The following ELL variants were observed in gnomAD, a reference collection of about 807,000 sequenced individuals.
ELL encodes elongation factor for RNA polymerase II.
Under a neutral mutation model 64.0 loss-of-function variants are expected in ELL, and 18 were observed. That is an observed-to-expected ratio of 0.28 (90% confidence interval 0.19 to 0.42). The LOEUF (loss-of-function observed/expected upper bound fraction) is 0.42. Among genes scored for constraint, ELL ranks in the 10% least tolerant of loss-of-function variants. The pLI, the probability that ELL is intolerant of heterozygous loss-of-function variation, is 1.00. For synonymous variants in ELL, 399 were observed against 376.2 expected, an observed-to-expected ratio of 1.06 and a Z score of -0.70; for missense variants, 797 against 870.4, an observed-to-expected ratio of 0.92 and a Z score of 1.06.
chr19:18,472,690 T>TG, intron 2 of ELL, 145 bp downstream of exon 2: 1 of 993,962 alleles, frequency 1.0e-6, no homozygotes, highest in Middle Eastern at 2.2e-4. Flanking sequence ...GGGGCTATCC[T>TG]GGGGGCCTAG....
At position 18,458,234 on chromosome 19, in the gene ELL, G is replaced by A. The variant is rs1974723289; in HGVS notation, c.840C>T (p.Asp280=). 6.2e-7 allele frequency: 1 copy of A among 1,611,772 alleles called. No homozygotes were observed. Among genetic ancestry groups the A allele is most frequent in the African/African-American group, 1.3e-5 (1 of 74,924 alleles). The change falls in exon 6 of 12, where the codon GAC becomes GAT. Residue 280 remains aspartate (D), a synonymous_variant. Transcript: ENST00000262809. The stretch of plus-strand genomic sequence containing the variant: ...CGAGCACCCGCTTCAGCAGCTGCTG[G>A]TCCCCCTCCGAGTAGCCAGGCCAGT... ...QKDWPGYSEG[D]QQLLKRVLVR...
At chr19:18,493,791 A>G (rs987149228) in intron 1 of ELL, among the ~76,000 whole-genome samples, 1 of 152,084 alleles carries the variant, frequency 6.6e-6, no homozygotes, top group Admixed American at 6.5e-5. Context: ...TCCCTTTCTC[A>G]TGGCCCGGGA....
chr19:18,519,893 G>A (rs1600515972), intron 1 of ELL, among the ~76,000 whole-genome samples: 1 of 151,640 alleles, frequency 6.6e-6, no homozygotes, highest in Non-Finnish European at 1.5e-5. Flanking sequence ...AAAAATCCAA[G>A]TTTGAATCAC....
In ELL at chr19:18,449,886, G is replaced by C. The variant is rs1392509790; in HGVS notation, c.1465+591C>G. On this transcript the variant is annotated intron_variant, in intron 8 of 11. Transcript: ENST00000262809. The surrounding 1 kb of genome is among the most constrained non-coding windows in gnomAD (Gnocchi z 4.4). ...TGCTCAGTTTAGGTGCCTGGGCTGTGGTCTCGGAGCCGCCCAGGTCTCCTG... is the reference window on the plus strand; with the variant it reads ...TGCTCAGTTTAGGTGCCTGGGCTGTCGTCTCGGAGCCGCCCAGGTCTCCTG... 6.6e-6 allele frequency among the ~76,000 whole-genome samples: 1 copy of C among 152,210 alleles called. No individual in the cohort carries two copies. The highest frequency in any genetic ancestry group is 1.5e-5 in the Non-Finnish European group (1 of 68,030).
At chr19:18,470,080 G>T (rs1975032597) in intron 2 of ELL, among the ~76,000 whole-genome samples, 1 of 152,266 alleles carries the variant, frequency 6.6e-6, no homozygotes, top group Non-Finnish European at 1.5e-5. Flanking sequence ...ACTTTGGGAG[G>T]CTGAGGTGGG....
At chr19:18,462,346 T>TGTGGGC (rs1274112657) in intron 4 of ELL, among the ~76,000 whole-genome samples, 1 of 75,942 alleles carries the variant, frequency 1.3e-5, no homozygotes. Context: ...TGTGTGTGTG[T>TGTGGGC]GTGTGTGTGT....
intron 1 of ELL, among the ~76,000 whole-genome samples, chr19:18,485,505 T>C (rs1032305554): frequency 1.3e-5 from 2 of 152,090 alleles, no homozygotes; most frequent in Non-Finnish European, 2.9e-5. Context: ...CACTCCACTA[T>C]GGGAGCCCAT....
intron 2 of ELL, among the ~76,000 whole-genome samples, chr19:18,472,189 G>A (rs1975077554): frequency 6.6e-6 from 1 of 152,054 alleles, no homozygotes; most frequent in Non-Finnish European, 1.5e-5. Context: ...TCAAACTCCA[G>A]ATCTCTCAGG....
chr19:18,488,877 T>A (rs960369442), intron 1 of ELL, among the ~76,000 whole-genome samples: 2 of 152,180 alleles, frequency 1.3e-5, no homozygotes, highest in African/African-American at 4.8e-5. Context: ...AGAATGTGTC[T>A]TTTCTCCTTC....
At chr19:18,471,659 G>A (rs543787497) in intron 2 of ELL, among the ~76,000 whole-genome samples, 1 of 152,324 alleles carries the variant, frequency 6.6e-6, no homozygotes, top group East Asian at 1.9e-4. Flanking sequence ...AGGGGAACCT[G>A]CAATAAAGGC....
At chr19:18,515,043 C>CGTG (rs1272075089) in intron 1 of ELL, among the ~76,000 whole-genome samples, 2 of 152,216 alleles carry the variant, frequency 1.3e-5, no homozygotes, top group African/African-American at 4.8e-5. Flanking sequence ...CGGCCTTGGC[C>CGTG]GTGAGTCAAC....
chr19:18,487,131 G>GAGACCCCCTGAGAA (rs1197709220), intron 1 of ELL, among the ~76,000 whole-genome samples: 1 of 152,098 alleles, frequency 6.6e-6, no homozygotes, highest in African/African-American at 2.4e-5. Context: ...CCCCCACCAG[G>GAGACCCCCTGAGAA]AGACCCCCTG....
chr19:18,451,325 C>A (rs770981364), intron 7 of ELL, among the ~76,000 whole-genome samples: 2 of 152,220 alleles, frequency 1.3e-5, no homozygotes, highest in African/African-American at 2.4e-5. Context: ...CGCCCCCCGT[C>A]CCAGGTTCCG....
rs1037749256 is a variant in ELL, at chr19:18,501,580, C to T, written c.135+20341G>A. 1.3e-5 allele frequency among the ~76,000 whole-genome samples: 2 copies of T among 152,162 alleles called. No individual in the cohort carries two copies. The highest frequency in any genetic ancestry group is 6.5e-5 in the Admixed American group (1 of 15,278). On this transcript the variant is annotated intron_variant, in intron 1 of 11. Transcript: ENST00000262809. The surrounding 1 kb of genome is among the most constrained non-coding windows in gnomAD (Gnocchi z 4.5). ...CCAGCTCAGAGCCAGGCGGATGAGACGGGGGCCAAGCCAGGGGCCGGCTAC... is the reference window on the plus strand; with the variant it reads ...CCAGCTCAGAGCCAGGCGGATGAGATGGGGGCCAAGCCAGGGGCCGGCTAC...
At chr19:18,451,740 T>G (rs1974543262) in intron 6 of ELL, 92 bp from the exon 7 acceptor site, 12 of 1,016,198 alleles carry the variant, frequency 1.2e-5, no homozygotes, top group Non-Finnish European at 1.2e-5. Flanking sequence ...TGGAGATGCC[T>G]CAAGGAAGGG....
intron 8 of ELL, among the ~76,000 whole-genome samples, chr19:18,450,176 A>G (rs1472353637): frequency 6.6e-6 from 1 of 152,144 alleles, no homozygotes; most frequent in African/African-American, 2.4e-5. Context: ...TCCTCTCTGC[A>G]TGTTAGCCCC....
intron 1 of ELL, among the ~76,000 whole-genome samples, chr19:18,495,072 G>GGCCCT (rs1975618744): frequency 6.6e-6 from 1 of 152,318 alleles, no homozygotes; most frequent in South Asian, 2.1e-4. Flanking sequence ...AGACAGATGT[G>GGCCCT]GCCCTGCCCA....
intron 6 of ELL, among the ~76,000 whole-genome samples, chr19:18,456,427 A>G (rs1409641559): frequency 2.0e-5 from 3 of 152,234 alleles, no homozygotes; most frequent in Admixed American, 6.5e-5. Context: ...TCGTCTGGGC[A>G]TGAAGATGTG....
chr19:18,475,492 C>T (rs181950672), intron 1 of ELL, among the ~76,000 whole-genome samples: 47 of 152,156 alleles, frequency 3.1e-4, no homozygotes, highest in East Asian at 2.1e-3. Flanking sequence ...AATTCCACCC[C>T]GGGTATACAC....
Sources: allele counts gnomAD v4.1 joint callset (sites outside exome capture counted in the v4.1 genomes callset), GRCh38; gene constraint gnomAD v4.1.1; non-coding constraint Gnocchi (gnomAD v3.1); transcripts MANE v1.5; gene names NCBI Gene and HGNC (gene_info 2026-07-23, HGNC 2026-07-21).